The following ANK1 variants were observed in gnomAD, a reference collection of about 807,000 sequenced individuals.
ANK1 encodes the protein ankyrin-1.
A neutral mutation model predicts 210.4 loss-of-function variants in ANK1; 51 were observed. The ratio of observed to expected loss-of-function variants is 0.24; its 90% confidence interval spans 0.19 to 0.31. The LOEUF is 0.31. ANK1 is among the 10% of genes least tolerant of loss of function. The pLI is 1.00. For missense variants in ANK1, 2,051 were observed against 2,504.4 expected, an observed-to-expected ratio of 0.82 and a Z score of 3.86; for synonymous variants, 967 against 1,025.9, an observed-to-expected ratio of 0.94 and a Z score of 1.10.
rs11998677 is a variant in ANK1 at position 41,866,061 on chromosome 8, C to T, written c.126+30294G>A. Among the ~76,000 whole-genome samples the T allele has an allele frequency of 9.4e-3, 1,438 of 152,384 alleles. 23 individuals are homozygous for T. The highest frequency in any genetic ancestry group is 0.033 in the African/African-American group (1,361 of 41,592). On this transcript the variant is annotated intron_variant, in intron 1 of 42. Transcript: ENST00000265709. The stretch of plus-strand genomic sequence containing the variant: ...AGACCCTAGAGGAACTATGCACATA[C>T]CCTTCAGTGGGGACGTATGGAGCCT...
intron 1 of ANK1, among the ~76,000 whole-genome samples, chr8:41,764,526 C>T (rs1841309430): frequency 6.6e-6 from 1 of 152,210 alleles, no homozygotes. Context: ...CTCTCCAAGG[C>T]TCATCCATTC....
intron 1 of ANK1, among the ~76,000 whole-genome samples, chr8:41,773,370 A>G (rs955244165): frequency 6.6e-6 from 1 of 152,122 alleles, no homozygotes; most frequent in Admixed American, 6.5e-5. Context: ...GGATTCCAAA[A>G]AGGGCCAACA....
Position 41,684,664 on chromosome 8 carries a change from T to C in ANK1, c.4417A>G (p.Ser1473Gly), listed in dbSNP as rs760591901. The C allele has an allele frequency of 6.2e-7, 1 of 1,613,834 alleles. No individual in the cohort carries two copies. Among genetic ancestry groups the C allele is most frequent in the South Asian group, 1.1e-5 (1 of 91,072 alleles). ...TTCACGATCTCGCCACGGTCAATGC[T>C]CTGCAGGGCTGTGTACAGATTCTCC... ...NMENLYTALQ[S>G]IDRGEIVNML... Residue 1473 changes from serine (S) to glycine (G), a missense_variant, in exon 37 of 43, where the codon AGC becomes GGC. This residue lies in a region of ANK1 where 496 missense variants were observed against 533.4 expected (regional missense o/e 0.93). Coordinates refer to ENST00000289734, the MANE Select transcript of ANK1 (RefSeq NM_000037.4).
intron 22 of ANK1, among the ~76,000 whole-genome samples, 183 bp downstream of exon 22, chr8:41,701,367 T>C (rs1586232235): frequency 6.6e-6 from 1 of 152,206 alleles, no homozygotes; most frequent in Non-Finnish European, 1.5e-5. Context: ...TAAGTATTAA[T>C]AGAGCAGTAT....
intron 31 of ANK1, among the ~76,000 whole-genome samples, chr8:41,692,085 C>A (rs1240524694): frequency 3.3e-5 from 5 of 149,532 alleles, no homozygotes; most frequent in Non-Finnish European, 7.4e-5. Flanking sequence ...TAAACAGAGT[C>A]TTGCTCTGTC....
chr8:41,699,307 C>T (rs1287889342), intron 23 of ANK1, 145 bp downstream of exon 23: 1 of 789,126 alleles, frequency 1.3e-6, no homozygotes, highest in African/African-American at 1.7e-5. Flanking sequence ...AGAGCTAGCT[C>T]ATCCTAAGGT....
intron 1 of ANK1, among the ~76,000 whole-genome samples, chr8:41,834,263 G>A (rs1807209054): frequency 6.6e-6 from 1 of 152,244 alleles, no homozygotes. Flanking sequence ...GCAGAAAGCA[G>A]GGGTAGGATT....
At chr8:41,761,874 TC>T (rs963696551) in intron 1 of ANK1, among the ~76,000 whole-genome samples, 3 of 150,220 alleles carry the variant, frequency 2.0e-5, no homozygotes, top group African/African-American at 7.3e-5. Context: ...CCACACCACC[TC>T]CCAGCCCCCA....
At chr8:41,848,094 A>C (rs1810414888) in intron 1 of ANK1, among the ~76,000 whole-genome samples, 1 of 152,012 alleles carries the variant, frequency 6.6e-6, no homozygotes, top group African/African-American at 2.4e-5. Context: ...CTGAGGCACA[A>C]GAATCACTTG....
At chr8:41,844,252 C>G (rs1053413837) in intron 1 of ANK1, among the ~76,000 whole-genome samples, 1 of 152,172 alleles carries the variant, frequency 6.6e-6, no homozygotes, top group African/African-American at 2.4e-5. Context: ...GGTATCCCCT[C>G]GGGGAAGTCT....
intron 2 of ANK1, among the ~76,000 whole-genome samples, chr8:41,740,186 G>GTTTTTTTT (rs1834425110): frequency 6.9e-6 from 1 of 143,924 alleles, no homozygotes. Context: ...TTTAGATGGA[G>GTTTTTTTT]TTTCACTCTC....
intron 37 of ANK1, among the ~76,000 whole-genome samples, chr8:41,679,723 A>T (rs11997440): frequency 2.7e-5 from 4 of 150,700 alleles, no homozygotes; most frequent in Non-Finnish European, 5.9e-5. Flanking sequence ...CCATCACGCC[A>T]GGCTAATTTT....
At chr8:41,857,773 G>A (rs371972564) in intron 1 of ANK1, among the ~76,000 whole-genome samples, 8 of 145,772 alleles carry the variant, frequency 5.5e-5, no homozygotes, top group African/African-American at 7.6e-5. Context: ...GTATGGTGGC[G>A]CATGCCTGTA....
chr8:41,763,865 TCTTC>T (rs1308177130), intron 1 of ANK1, among the ~76,000 whole-genome samples: 23 of 146,268 alleles, frequency 1.6e-4, no homozygotes, highest in Non-Finnish European at 3.1e-4. Flanking sequence ...TTTCTTTCTT[TCTTC>T]TTTCTTTTTT....
intron 11 of ANK1, 56 bp downstream of exon 11, chr8:41,718,050 G>A (rs941476526): frequency 2.4e-5 from 37 of 1,537,816 alleles, no homozygotes; most frequent in Admixed American, 1.0e-4. Flanking sequence ...TCTTGGAGAA[G>A]GTGGGTCGGG....
intron 39 of ANK1, chr8:41,665,201 A>C: frequency 6.5e-7 from 1 of 1,530,056 alleles, no homozygotes; most frequent in Non-Finnish European, 8.7e-7. Context: ...TGGGCAGGAC[A>C]CCGAATGGCC....
chr8:41,715,839 G>A lies in ANK1; in HGVS notation c.1415C>T (p.Thr472Ile), dbSNP rs150655828. The change falls in exon 14 of 43, where the codon ACC (threonine) becomes ATC (isoleucine). Residue 472 changes from threonine (T) to isoleucine (I), a missense_variant. This residue lies in a region of ANK1 where 1,413 missense variants were observed against 1,707.4 expected (regional missense o/e 0.83). Coordinates refer to ENST00000289734, the MANE Select transcript of ANK1 (RefSeq NM_000037.4). ...KVNAKAKDDQ[T>I]PLHCAARIGH... is the part of the protein sequence containing the mutation. ...GATGCGAGCTGCACAGTGAAGTGGG[G>A]TCTGGTCATCCTGGACCCCGAAGGG... 59 of 1,614,120 alleles carry A rather than the reference G, an allele frequency of 3.7e-5. No individual in the cohort carries two copies. The highest frequency in any genetic ancestry group is 1.5e-4 in the Admixed American group (9 of 60,016).
Position 41,688,365 on chromosome 8 carries a change from AGACCC to A in ANK1, c.4184-140_4184-136del, listed in dbSNP as rs1057019022. The A allele has an allele frequency of 9.4e-5, 133 of 1,421,296 alleles. 1 individual carries two copies. In the Middle Eastern group the frequency reaches 1.3e-3, roughly 13 times the overall value. 88.0% of individuals were successfully genotyped at this position (1,421,296 alleles called of 1,614,324 possible). A position where few individuals can be genotyped will look rare whatever the true frequency, so the allele number is the denominator to read the frequency against. ...CTAGACTCTCTGCAAGATCAGGGGA[AGACCC>A]GAGTCAGCTCTGCAGCTGCTTTTGG... On this transcript the variant is annotated intron_variant, in intron 34 of 42. Transcript: ENST00000289734.
At chr8:41,714,383 T>A in intron 15 of ANK1, 129 bp from the exon 16 acceptor site, 1 of 680,040 alleles carries the variant, frequency 1.5e-6, no homozygotes, top group Non-Finnish European at 2.3e-6. Context: ...AGGCCAGTCT[T>A]AACTTGGAGT....
Sources: gnomAD v4.1 joint callset for allele counts (sites outside exome capture counted in the v4.1 genomes callset) on GRCh38, gnomAD v4.1.1 for gene constraint, gnomAD v4.1.1 regional missense constraint, MANE v1.5 for transcripts, NCBI Gene and HGNC (gene_info 2026-07-23, HGNC 2026-07-21) for gene names.